BCAR3: variants seen among roughly 807,000 people sequenced by gnomAD.
BCAR3 encodes breast cancer anti-estrogen resistance protein 3.
A neutral mutation model predicts 80.1 loss-of-function variants in BCAR3; 37 were observed. The ratio of observed to expected loss-of-function variants is 0.46; its 90% CI spans 0.36 to 0.61. The LOEUF (loss-of-function observed/expected upper bound fraction) is 0.61. Among genes scored for constraint, BCAR3 ranks in the 20% least tolerant of loss-of-function variants. The probability of loss-of-function intolerance (pLI) is 0.00; values close to 1 mark genes in which losing one functional copy is unlikely to be tolerated. For missense variants in BCAR3, 978 were observed against 1,068.2 expected, an observed-to-expected ratio of 0.92 and a Z score of 1.18; for synonymous variants, 389 against 418.9, an observed-to-expected ratio of 0.93 and a Z score of 0.87.
intron 3 of BCAR3, among the ~76,000 whole-genome samples, chr1:93,611,744 T>A (rs534766171): frequency 6.6e-6 from 1 of 152,330 alleles, no homozygotes; most frequent in East Asian, 1.9e-4. Context: ...AAAACACCTG[T>A]ATAATCATTC....
chr1:93,598,457 C>G (rs1187333249), intron 3 of BCAR3, among the ~76,000 whole-genome samples: 1 of 152,206 alleles, frequency 6.6e-6, no homozygotes, highest in African/African-American at 2.4e-5. Context: ...AAGACTCTAT[C>G]CCCAGGCCTA....
At chr1:93,565,801 C>T (rs897112149) in intron 11 of BCAR3, among the ~76,000 whole-genome samples, 10 of 152,234 alleles carry the variant, frequency 6.6e-5, no homozygotes, top group African/African-American at 2.4e-4. Flanking sequence ...ACATCTGGTT[C>T]TGAGGCAGCT....
chr1:93,813,158 C>T (rs151019061), intron 2 of BCAR3, among the ~76,000 whole-genome samples: 236 of 152,174 alleles, frequency 1.6e-3, no homozygotes, highest in African/African-American at 5.3e-3. Context: ...CTCCATTCTG[C>T]CTTCAGCTTG....
chr1:93,671,887 T>C (rs1379859181), intron 2 of BCAR3, among the ~76,000 whole-genome samples: 1 of 152,242 alleles, frequency 6.6e-6, no homozygotes, highest in African/African-American at 2.4e-5. Context: ...GAGATTTTTT[T>C]TTTAATGTGT....
intron 2 of BCAR3, chr1:93,753,537 C>T (rs951228181): frequency 2.2e-5 from 3 of 136,572 alleles, no homozygotes; most frequent in African/African-American, 5.5e-5. Flanking sequence ...CGCATATGCA[C>T]GCGGGTACAC....
intron 2 of BCAR3, among the ~76,000 whole-genome samples, chr1:93,669,517 T>G (rs374031650): frequency 6.6e-6 from 1 of 152,160 alleles, no homozygotes; most frequent in Admixed American, 6.5e-5. Flanking sequence ...GTTCCACTCA[T>G]GCAAACTAAT....
At chr1:93,724,088 T>G (rs1650498551) in intron 2 of BCAR3, among the ~76,000 whole-genome samples, 1 of 152,118 alleles carries the variant, frequency 6.6e-6, no homozygotes, top group Non-Finnish European at 1.5e-5. Flanking sequence ...ACAAAGTGAT[T>G]AAGTAGGGCT....
intron 3 of BCAR3, among the ~76,000 whole-genome samples, chr1:93,596,517 A>G (rs371732690): frequency 3.3e-5 from 5 of 152,224 alleles, no homozygotes; most frequent in African/African-American, 1.2e-4. Flanking sequence ...ACCCAGAATG[A>G]GTAACACGGC....
At chr1:93,804,722 G>A (rs1474137536) in intron 2 of BCAR3, among the ~76,000 whole-genome samples, 1 of 152,214 alleles carries the variant, frequency 6.6e-6, no homozygotes, top group Non-Finnish European at 1.5e-5. Flanking sequence ...GAAGTTGACT[G>A]CAAGTAACTG....
intron 2 of BCAR3, among the ~76,000 whole-genome samples, chr1:93,814,680 G>A (rs1653957024): frequency 6.6e-6 from 1 of 152,210 alleles, no homozygotes. Flanking sequence ...TGTACCAGCT[G>A]TTACACCGGC....
intron 2 of BCAR3, among the ~76,000 whole-genome samples, chr1:93,745,099 A>G (rs1651310055): frequency 6.6e-6 from 1 of 152,238 alleles, no homozygotes; most frequent in South Asian, 2.1e-4. Context: ...TCTCTTTCCC[A>G]CAGACAAACA....
intron 3 of BCAR3, among the ~76,000 whole-genome samples, chr1:93,703,123 G>A (rs2101974015): frequency 6.6e-6 from 1 of 152,334 alleles, no homozygotes; most frequent in East Asian, 1.9e-4. Context: ...ATCAGGCCAG[G>A]CCCTCCTTAG....
chr1:93,665,965 C>A (rs183371346), intron 2 of BCAR3, among the ~76,000 whole-genome samples: 20 of 152,284 alleles, frequency 1.3e-4, no homozygotes, highest in Admixed American at 3.3e-4. Context: ...ACTGTACCTG[C>A]AAACTATATC....
At chr1:93,787,129 G>C (rs1363400355) in intron 2 of BCAR3, among the ~76,000 whole-genome samples, 1 of 152,180 alleles carries the variant, frequency 6.6e-6, no homozygotes, top group African/African-American at 2.4e-5. Flanking sequence ...AATGCTCATA[G>C]TTTAACATTT....
intron 2 of BCAR3, among the ~76,000 whole-genome samples, chr1:93,739,683 G>A (rs1000226029): frequency 4.6e-5 from 7 of 152,122 alleles, no homozygotes; most frequent in Non-Finnish European, 7.4e-5. Flanking sequence ...TACCAATTAC[G>A]TACTCAGCCC....
chr1:93,812,363 C>A (rs1653877060), intron 2 of BCAR3, among the ~76,000 whole-genome samples: 2 of 152,118 alleles, frequency 1.3e-5, no homozygotes, highest in African/African-American at 4.8e-5. Flanking sequence ...GCCCTTCATA[C>A]CTCTTCATAC....
chr1:93,820,209 C>T (rs1173668984), intron 2 of BCAR3, among the ~76,000 whole-genome samples: 1 of 152,214 alleles, frequency 6.6e-6, no homozygotes, highest in African/African-American at 2.4e-5. Context: ...GCTCTTAATA[C>T]TTCTGACACC....
intron 5 of BCAR3, among the ~76,000 whole-genome samples, chr1:93,585,363 G>A (rs116710257): frequency 3.2e-4 from 48 of 152,380 alleles, no homozygotes; most frequent in African/African-American, 1.1e-3. Flanking sequence ...CGTGTACAAA[G>A]TGGTGACAAG....
upstream of BCAR3, chr1:93,847,891 A>G: frequency 4.1e-6 from 1 of 242,982 alleles, no homozygotes; most frequent in Non-Finnish European, 8.0e-6. Flanking sequence ...GTAGGTCCTG[A>G]GAAGAGCGGC....
Sources: gnomAD v4.1 joint callset for allele counts (sites outside exome capture counted in the v4.1 genomes callset) on GRCh38, gnomAD v4.1.1 for gene constraint, MANE v1.5 for transcripts, NCBI Gene and HGNC (gene_info 2026-07-23, HGNC 2026-07-21) for gene names.